The following TMEM232 variants were observed in gnomAD, a reference collection of about 807,000 sequenced individuals.
The protein encoded by TMEM232 is transmembrane protein 232.
In TMEM232, 80 loss-of-function variants were observed where a neutral mutation model predicts 78.8. The observed-to-expected ratio is 1.01, with a 90% confidence interval of 0.85 to 1.22. The LOEUF is 1.22. Ranked by LOEUF, TMEM232 falls within the 50% of genes most tolerant of loss-of-function variation. The pLI is 0.00. For missense variants in TMEM232, 881 were observed against 742.2 expected (o/e 1.19, Z -2.17); for synonymous variants, 297 against 254.3 (o/e 1.17, Z -1.60).
chr5:110,495,861 A>G (rs1033291041), intron 12 of TMEM232, among the ~76,000 whole-genome samples: 1 of 151,698 alleles, frequency 6.6e-6, no homozygotes, highest in African/African-American at 2.4e-5. Flanking sequence ...ATATCAATTG[A>G]ATAATACAAA....
chr5:110,706,347 T>C (rs893139850), intron 1 of TMEM232, among the ~76,000 whole-genome samples: 3 of 152,174 alleles, frequency 2.0e-5, no homozygotes, highest in African/African-American at 2.4e-5. Context: ...TTCTATAATA[T>C]GTTGTTTCTT....
At chr5:110,687,163 C>T (rs1228392306) in intron 1 of TMEM232, among the ~76,000 whole-genome samples, 9 of 152,098 alleles carry the variant, frequency 5.9e-5, no homozygotes, top group African/African-American at 2.2e-4. Flanking sequence ...AATAGTGCTG[C>T]CTCACCCATT....
chr5:110,642,932 A>G (rs1786944294), intron 2 of TMEM232, among the ~76,000 whole-genome samples: 1 of 152,064 alleles, frequency 6.6e-6, no homozygotes, highest in African/African-American at 2.4e-5. Flanking sequence ...GCTTTAAGCA[A>G]ATTTCTCCAA....
In TMEM232 at chr5:110,598,708, G is replaced by A. The variant is rs142125270; in HGVS notation, c.1276+6401C>T. 1.1e-3 allele frequency among the ~76,000 whole-genome samples: 163 copies of A among 152,056 alleles called. No individual in the cohort carries two copies. The East Asian group carries it at 0.025, about 24-fold the overall frequency. On this transcript the variant is annotated intron_variant, in intron 10 of 13. Coordinates refer to ENST00000455884, the MANE Select transcript of TMEM232 (RefSeq NM_001039763.4). Reference sequence around the variant, plus strand: ...AAAAAATGAGGAGTTCATGTCCTCTGTAGGGACATGGATGAAATTGGAAAT... The same window carrying A: ...AAAAAATGAGGAGTTCATGTCCTCTATAGGGACATGGATGAAATTGGAAAT...
intron 11 of TMEM232, among the ~76,000 whole-genome samples, chr5:110,560,590 C>A (rs2089359064): frequency 6.6e-6 from 1 of 152,066 alleles, no homozygotes; most frequent in East Asian, 1.9e-4. Flanking sequence ...GATCTCCAAA[C>A]AATTGATAAA....
At chr5:110,558,364 A>G (rs939951406) in intron 11 of TMEM232, among the ~76,000 whole-genome samples, 1 of 152,128 alleles carries the variant, frequency 6.6e-6, no homozygotes, top group African/African-American at 2.4e-5. Flanking sequence ...GAAAATCAGT[A>G]GGGAAAAGCT....
intron 2 of TMEM232, among the ~76,000 whole-genome samples, chr5:110,643,764 C>T (rs1240434190): frequency 6.6e-6 from 1 of 151,972 alleles, no homozygotes; most frequent in Non-Finnish European, 1.5e-5. Flanking sequence ...CTGAGTAATT[C>T]ACAGTCCTAC....
At chr5:110,622,628 C>T (rs962603841) in intron 7 of TMEM232, among the ~76,000 whole-genome samples, 12 of 152,052 alleles carry the variant, frequency 7.9e-5, no homozygotes, top group South Asian at 4.2e-4. Flanking sequence ...TCTTTGCTAT[C>T]GTGAATAATG....
chr5:110,545,620 T>C (rs904975929), intron 11 of TMEM232, among the ~76,000 whole-genome samples: 1 of 152,204 alleles, frequency 6.6e-6, no homozygotes, highest in East Asian at 1.9e-4. Context: ...TAGGGACTAA[T>C]ACTGTTGTTT....
intron 1 of TMEM232, among the ~76,000 whole-genome samples, chr5:110,712,435 A>G (rs1483599605): frequency 6.6e-6 from 1 of 152,156 alleles, no homozygotes; most frequent in East Asian, 1.9e-4. Context: ...AGTAGGCAAA[A>G]TATCTGAATA....
At chr5:110,417,618 C>CTTTTTTTT (rs1181888424), downstream of TMEM232, 27 of 119,270 alleles carry the variant, frequency 2.3e-4, 1 homozygote, top group East Asian at 9.4e-4. Context: ...TTTTCTTTTT[C>CTTTTTTTT]TTTTTTTTTT....
intron 8 of TMEM232, among the ~76,000 whole-genome samples, chr5:110,608,421 C>T (rs1781770868): frequency 2.0e-5 from 3 of 151,702 alleles, no homozygotes. Flanking sequence ...AGTCATTCCC[C>T]AGACTACTTA....
intron 2 of TMEM232, among the ~76,000 whole-genome samples, chr5:110,661,416 ACCC>A (rs59706915): frequency 1.3e-5 from 2 of 150,768 alleles, no homozygotes; most frequent in African/African-American, 4.9e-5. Context: ...GTCTCAAGTA[ACCC>A]CCCCCACCTC....
chr5:110,732,533 A>T (rs1213082226), intron 2 of TMEM232, among the ~76,000 whole-genome samples: 1 of 152,224 alleles, frequency 6.6e-6, no homozygotes, highest in Non-Finnish European at 1.5e-5. Flanking sequence ...GGCAAGAGAA[A>T]AATGAGGAAT....
At chr5:110,609,225 C>T (rs1285109105) in intron 8 of TMEM232, among the ~76,000 whole-genome samples, 1 of 151,884 alleles carries the variant, frequency 6.6e-6, no homozygotes, top group Non-Finnish European at 1.5e-5. Flanking sequence ...TGTCAAAAAT[C>T]CACATGATCC....
chr5:110,701,109 A>G (rs1795397384), intron 1 of TMEM232, among the ~76,000 whole-genome samples: 1 of 151,994 alleles, frequency 6.6e-6, no homozygotes, highest in Non-Finnish European at 1.5e-5. Flanking sequence ...TCTCAAAAAG[A>G]AGGAAAATGA....
intron 12 of TMEM232, among the ~76,000 whole-genome samples, chr5:110,518,629 C>T (rs1769040011): frequency 6.6e-6 from 1 of 152,050 alleles, no homozygotes; most frequent in African/African-American, 2.4e-5. Flanking sequence ...AAAAAAAATG[C>T]TTAAAACGAT....
chr5:110,566,602 T>A (rs1776369777), intron 11 of TMEM232, among the ~76,000 whole-genome samples: 1 of 151,838 alleles, frequency 6.6e-6, no homozygotes, highest in Non-Finnish European at 1.5e-5. Context: ...TCCCAACAAG[T>A]TCCTCATCTT....
In TMEM232 at chr5:110,677,054, C is replaced by T. The variant is rs1262059327; in HGVS notation, c.-12-9690G>A. ...GGGATTACAGGCGTGAGCCACCGCG[C>T]CCTGCCTCATTGCTTGTGTAATAGC... On this transcript the variant is annotated intron_variant, in intron 1 of 13. Transcript: ENST00000455884. Among the ~76,000 whole-genome samples, 3 of 152,160 alleles carry T rather than the reference C, an allele frequency of 2.0e-5. No individual in the cohort carries two copies. In the South Asian group the frequency reaches 6.2e-4, roughly 32 times the overall value.
Sources: allele counts gnomAD v4.1 joint callset (sites outside exome capture counted in the v4.1 genomes callset), GRCh38; gene constraint gnomAD v4.1.1; transcripts MANE v1.5; gene names NCBI Gene and HGNC (gene_info 2026-07-23, HGNC 2026-07-21).